NID2: variants seen among roughly 807,000 people sequenced by gnomAD.
NID2 encodes nidogen 2.
Under a neutral mutation model 145.4 loss-of-function variants are expected in NID2, and 83 were observed. The observed-to-expected ratio is 0.57, with a 90% CI of 0.48 to 0.69. The LOEUF is 0.69. Among genes scored for constraint, NID2 ranks in the 30% least tolerant of loss-of-function variants. The pLI is 0.00. For missense variants in NID2, 1,807 were observed against 1,765.7 expected (o/e 1.02, Z -0.42); for synonymous variants, 739 against 701.3 (o/e 1.05, Z -0.85).
intron 12 of NID2, among the ~76,000 whole-genome samples, chr14:52,023,810 G>C (rs1480686541): frequency 6.6e-6 from 1 of 152,226 alleles, no homozygotes; most frequent in Non-Finnish European, 1.5e-5. Context: ...ACTCAGACCA[G>C]ACTGAGAACC....
intron 7 of NID2, among the ~76,000 whole-genome samples, 196 bp downstream of exon 7, chr14:52,041,909 C>T (rs769492714): frequency 1.5e-4 from 23 of 152,340 alleles, no homozygotes; most frequent in Middle Eastern, 3.4e-3. Context: ...TAGACGAAAT[C>T]ACTGCCTTTC....
rs772967392 is a variant in NID2 at position 52,068,024 on chromosome 14, A to C, written c.368T>G (p.Leu123Arg). Residue 123 changes from leucine to arginine, a missense_variant, in exon 2 of 22, where the codon CTG becomes CGG. Leu to Arg is a moderately radical substitution (Grantham distance 102). Transcript: ENST00000216286. ...IDTSHGRGRV[L>R]YREDTSPAVL... Reference sequence around the variant, plus strand: ...TGCGGGGGAGGTGTCCTCTCGGTACAGGACTCGGCCTCTGCCGTGGCTCGT... The same window carrying C: ...TGCGGGGGAGGTGTCCTCTCGGTACCGGACTCGGCCTCTGCCGTGGCTCGT... The C allele has an allele frequency of 1.9e-5, 30 of 1,613,784 alleles. No homozygotes were observed. The highest frequency in any genetic ancestry group is 6.7e-5 in the Admixed American group (4 of 59,956).
Position 52,007,795 on chromosome 14 carries a change from C to T in NID2, c.3880+15G>A, listed in dbSNP as rs376232367. ...GATGAGAGGTTATCTATTTGCATTCCATCAGTAGTATTACCTGCATCTGCC... is the reference window on the plus strand; with the variant it reads ...GATGAGAGGTTATCTATTTGCATTCTATCAGTAGTATTACCTGCATCTGCC... On this transcript the variant is annotated intron_variant, in intron 19 of 21. Transcript: ENST00000216286. 4.5e-5 allele frequency: 73 copies of T among 1,608,714 alleles called. No individual in the cohort carries two copies. The highest frequency in any genetic ancestry group is 5.9e-5 in the Non-Finnish European group (69 of 1,176,834).
rs1467419548 is a variant in NID2, at chr14:52,053,696, C to G, written c.1312G>C (p.Ala438Pro). 1.9e-6 allele frequency: 3 copies of G among 1,614,090 alleles called. No individual in the cohort carries two copies. In the East Asian group the frequency reaches 6.7e-5, roughly 36 times the overall value. ...AGAACAATTTCTTCTTCAGGATGAG[C>G]TGGGGGAACATCCATTTCCGAAGGC... Reference protein sequence around the residue: ...PVPSEMDVPPAHPEEEIVLRS... With the variant: ...PVPSEMDVPPPHPEEEIVLRS... Residue 438 changes from alanine (A) to proline (P), a missense_variant, in exon 5 of 22, where the codon GCT becomes CCT. By Grantham distance (27) the Ala-to-Pro change is conservative. Transcript: ENST00000216286.
chr14:52,005,413 G>T lies in NID2; in HGVS notation c.*73C>A. 1 of 1,399,226 alleles carries T rather than the reference G, an allele frequency of 7.1e-7. No homozygotes were observed. The highest frequency in any genetic ancestry group is 9.6e-7 in the Non-Finnish European group (1 of 1,046,964). The allele number at this position is 1,399,226 out of a possible 1,614,324, so 86.7% of individuals were successfully genotyped here. ...GGCCAATTCCTTTTTTACTTTCTTT[G>T]CCTTTGCAGTCACTGTTCTTTAGGG... is the stretch of plus-strand genomic sequence containing the variant. On this transcript the variant is annotated 3_prime_UTR_variant, in exon 22 of 22. Transcript: ENST00000216286.
At chr14:52,008,554 T>G (rs2140341805) in intron 18 of NID2, 1 of 152,382 alleles carries the variant, frequency 6.6e-6, no homozygotes, top group African/African-American at 2.4e-5. Flanking sequence ...CACAGCCATA[T>G]TCCACTTTTA....
chr14:52,067,636 AT>A (rs1893264501), intron 2 of NID2, among the ~76,000 whole-genome samples: 1 of 152,102 alleles, frequency 6.6e-6, no homozygotes, highest in Non-Finnish European at 1.5e-5. Flanking sequence ...TCCGCTAAGC[AT>A]TTTTTTCCTC....
chr14:52,008,165 A>T, intron 18 of NID2, 198 bp from the exon 19 acceptor site: 1 of 464,658 alleles, frequency 2.2e-6, no homozygotes, highest in Non-Finnish European at 3.8e-6. Context: ...CACTGCCGAT[A>T]TTCGGTCTCA....
Position 52,053,806 on chromosome 14 carries a change from C to G in NID2, c.1202G>C (p.Arg401Thr), listed in dbSNP as rs765010374. ...TTCCCAGGAAGGAGCCAGTGAATCT[C>G]TGTCTACCTCTGGTGGAGCTGGGCT... ...TRSPAPPEVDRDSLAPSWETP... is the reference protein window; with the variant it reads ...TRSPAPPEVDTDSLAPSWETP... The change falls in exon 5 of 22, where the codon AGA (arginine) becomes ACA (threonine). Residue 401 changes from arginine to threonine, a missense_variant. Arg to Thr is a moderately conservative substitution (Grantham distance 71). Transcript: ENST00000216286. The G allele has an allele frequency of 1.7e-5, 27 of 1,614,058 alleles. No individual in the cohort carries two copies. The highest frequency in any genetic ancestry group is 1.6e-4 in the Middle Eastern group (1 of 6,084).
rs963045978 is a variant in NID2, at chr14:52,040,820, T to C, written c.1857A>G (p.Thr619=). The change falls in exon 8 of 22, where the codon ACA becomes ACG. Residue 619 remains threonine, a synonymous_variant. Transcript: ENST00000216286. ...GAAFTHDMEV[T]FYPGEETVRI... ...GAACCGTCTCCTCTCCCGGGTAGAA[T>C]GTAACTTCCATGTCATGGGTAAAGG... 5 of 1,614,188 alleles carry C rather than the reference T, an allele frequency of 3.1e-6. No individual in the cohort carries two copies. The East Asian group carries it at 1.1e-4, about 36-fold the overall frequency.
In NID2 at chr14:52,005,460, C is replaced by A. The variant is rs1358944234; in HGVS notation, c.*26G>T. On this transcript the variant is annotated 3_prime_UTR_variant, in exon 22 of 22. Transcript: ENST00000216286. ...AGGGTCCAGGTTCTGATTGTAAACT[C>A]CAAGTCTTCCTTTACATTACTGTAC... is the stretch of plus-strand genomic sequence containing the variant. 1 of 1,577,280 alleles carries A rather than the reference C, an allele frequency of 6.3e-7. No homozygotes were observed. Among genetic ancestry groups the A allele is most frequent in the East Asian group, 2.2e-5 (1 of 44,696 alleles).
chr14:52,035,461 T>TA (rs1201716821), intron 9 of NID2, among the ~76,000 whole-genome samples: 1 of 152,216 alleles, frequency 6.6e-6, no homozygotes, highest in East Asian at 1.9e-4. Context: ...TAGAACATTT[T>TA]AAAATCAGTC....
chr14:52,048,717 G>C (rs1892588826), intron 5 of NID2, among the ~76,000 whole-genome samples: 1 of 152,162 alleles, frequency 6.6e-6, no homozygotes, highest in African/African-American at 2.4e-5. Context: ...GAGGAATATG[G>C]CAGGGTCAGA....
At chr14:52,031,770 A>G (rs748994574) in intron 9 of NID2, among the ~76,000 whole-genome samples, 35 of 152,250 alleles carry the variant, frequency 2.3e-4, no homozygotes, top group Admixed American at 3.9e-4. Context: ...TTTGTACAGA[A>G]TCTTCTATTA....
At chr14:52,030,571 AGGAAGG>A (rs1566755657) in intron 9 of NID2, among the ~76,000 whole-genome samples, 21 of 57,604 alleles carry the variant, frequency 3.6e-4, no homozygotes, top group Admixed American at 3.4e-3. Context: ...AAAGAAAGGA[AGGAAGG>A]GAAAGAAAGA....
At chr14:52,066,693 AG>A (rs1374284764) in intron 2 of NID2, among the ~76,000 whole-genome samples, 2 of 152,204 alleles carry the variant, frequency 1.3e-5, no homozygotes, top group Non-Finnish European at 2.9e-5. Flanking sequence ...CACCTCTTAC[AG>A]GGGGCATGTA....
chr14:52,068,902 C>G lies in NID2; in HGVS notation c.93G>C (p.Leu31=), dbSNP rs1216032259. ...CGTGTGGGAAGAGCTCGTCTGGGTG[C>G]AGCGCCGCGGCCCGCAACATTAGCA... ...LPLLMLRAAA[L]HPDELFPHGE... The change falls in exon 1 of 22, where the codon CTG becomes CTC. Residue 31 remains leucine (L), a synonymous_variant. Coordinates refer to ENST00000216286, the MANE Select transcript of NID2 (RefSeq NM_007361.4). 1 of 1,614,042 alleles carries G rather than the reference C, an allele frequency of 6.2e-7. No individual in the cohort carries two copies. The highest frequency in any genetic ancestry group is 8.5e-7 in the Non-Finnish European group (1 of 1,180,016).
rs1566744984 is a variant in NID2, at chr14:52,015,289, G to A, written c.3029-14C>T. ...TCTGGGTGGGCTCTGAGCAGATGGGGAAGAGGGAAGAAGAAAAACCTTTGA... is the reference window on the plus strand; with the variant it reads ...TCTGGGTGGGCTCTGAGCAGATGGGAAAGAGGGAAGAAGAAAAACCTTTGA... On this transcript the variant is annotated splice_polypyrimidine_tract_variant and intron_variant, in intron 14 of 21. Coordinates refer to ENST00000216286, the MANE Select transcript of NID2 (RefSeq NM_007361.4). 1.3e-6 allele frequency: 2 copies of A among 1,590,900 alleles called. No individual in the cohort carries two copies. Among genetic ancestry groups the A allele is most frequent in the Admixed American group, 3.4e-5 (2 of 58,474 alleles).
intron 9 of NID2, among the ~76,000 whole-genome samples, chr14:52,031,004 G>C (rs1004126632): frequency 6.6e-6 from 1 of 152,186 alleles, no homozygotes; most frequent in Non-Finnish European, 1.5e-5. Flanking sequence ...ATCACAGAGA[G>C]GCCAAATAAC....
Sources: gnomAD v4.1 joint callset for allele counts (sites outside exome capture counted in the v4.1 genomes callset) on GRCh38, gnomAD v4.1.1 for gene constraint, MANE v1.5 for transcripts, NCBI Gene and HGNC (gene_info 2026-07-23, HGNC 2026-07-21) for gene names.